Variants in GPC6 observed in about 807,000 individuals in gnomAD.
The protein encoded by GPC6 is glypican-6.
In GPC6, 14 loss-of-function variants were observed where a neutral mutation model predicts 55.2. The observed-to-expected ratio is 0.25, with a 90% CI of 0.17 to 0.40. The LOEUF (loss-of-function observed/expected upper bound fraction) is 0.40. Ranked by LOEUF, GPC6 falls within the 10% of genes least tolerant of loss-of-function variation. The probability of loss-of-function intolerance (pLI) is 1.00; values close to 1 mark genes in which losing one functional copy is unlikely to be tolerated. For missense variants in GPC6, 641 were observed against 708.5 expected, an observed-to-expected ratio of 0.90 and a Z score of 1.08; for synonymous variants, 278 against 259.6, an observed-to-expected ratio of 1.07 and a Z score of -0.68.
At chr13:93,380,296 G>T (rs371379510) in intron 1 of GPC6, among the ~76,000 whole-genome samples, 1 of 152,244 alleles carries the variant, frequency 6.6e-6, no homozygotes, top group East Asian at 1.9e-4. Context: ...AAATTTTGCA[G>T]CCACTTACTG....
chr13:93,829,236 C>T (rs1260002660), intron 2 of GPC6, among the ~76,000 whole-genome samples: 1 of 152,174 alleles, frequency 6.6e-6, no homozygotes, highest in African/African-American at 2.4e-5. Flanking sequence ...CTTGAACTTG[C>T]TCTACCCAAG....
At position 93,599,334 on chromosome 13, in the gene GPC6, G is replaced by A. The variant is rs1470647313; in HGVS notation, c.319+53913G>A. Among the ~76,000 whole-genome samples, 3 of 150,070 alleles carry A rather than the reference G, an allele frequency of 2.0e-5. No individual in the cohort carries two copies. The East Asian group carries it at 5.8e-4, about 29-fold the overall frequency. ...CAGAATCTTTATAAAGTGACCAAAA[G>A]TAACGTTGCTGAGATTTGTTGGCAG... On this transcript the variant is annotated intron_variant, in intron 2 of 8. Coordinates refer to ENST00000377047, the MANE Select transcript of GPC6 (RefSeq NM_005708.5).
chr13:93,947,843 A>G (rs1006412373), intron 3 of GPC6, among the ~76,000 whole-genome samples: 1 of 151,966 alleles, frequency 6.6e-6, no homozygotes, highest in East Asian at 1.9e-4. Flanking sequence ...GCTGGGTCTT[A>G]AAAGAATCTC....
intron 1 of GPC6, among the ~76,000 whole-genome samples, chr13:93,539,648 T>A (rs1354957279): frequency 1.3e-5 from 2 of 151,762 alleles, no homozygotes; most frequent in Non-Finnish European, 2.9e-5. Flanking sequence ...AATCTGTGAT[T>A]AGTAAAGAAG....
intron 1 of GPC6, among the ~76,000 whole-genome samples, chr13:93,453,792 C>T (rs907136732): frequency 1.3e-5 from 2 of 151,940 alleles, no homozygotes; most frequent in Non-Finnish European, 2.9e-5. Flanking sequence ...GTGATTGTTA[C>T]AGCTCATAAA....
In GPC6 at chr13:93,904,355, T is replaced by C. The variant is rs144608493; in HGVS notation, c.711+73810T>C. On this transcript the variant is annotated intron_variant, in intron 3 of 8. Coordinates refer to ENST00000377047, the MANE Select transcript of GPC6 (RefSeq NM_005708.5). ...TATGAGAACCTATTGTAGGAAGACATGCAGGTTACAAATCCATCTTTAGCG... is the reference window on the plus strand; with the variant it reads ...TATGAGAACCTATTGTAGGAAGACACGCAGGTTACAAATCCATCTTTAGCG... 8.2e-3 allele frequency among the ~76,000 whole-genome samples: 1,251 copies of C among 152,226 alleles called. 17 individuals carry two copies. Among genetic ancestry groups the C allele is most frequent in the African/African-American group, 0.028 (1,159 of 41,528 alleles).
chr13:93,619,767 A>T (rs1014675829), intron 2 of GPC6, among the ~76,000 whole-genome samples: 23 of 151,936 alleles, frequency 1.5e-4, no homozygotes, highest in African/African-American at 5.6e-4. Flanking sequence ...ATATCTTACA[A>T]TTTTGTATTA....
intron 1 of GPC6, among the ~76,000 whole-genome samples, chr13:93,275,204 C>T (rs1159608151): frequency 6.6e-6 from 1 of 152,170 alleles, no homozygotes; most frequent in African/African-American, 2.4e-5. Flanking sequence ...TGGGGGAAGA[C>T]TGTTTTAAAG....
intron 4 of GPC6, among the ~76,000 whole-genome samples, chr13:94,191,607 TGGA>T (rs1408566223): frequency 9.2e-5 from 12 of 129,976 alleles, no homozygotes; most frequent in African/African-American, 4.1e-4. Context: ...TATCTTAAGC[TGGA>T]AAAAAAAAAA....
intron 1 of GPC6, among the ~76,000 whole-genome samples, chr13:93,414,226 G>T (rs1876610673): frequency 6.6e-6 from 1 of 152,020 alleles, no homozygotes; most frequent in Non-Finnish European, 1.5e-5. Flanking sequence ...AGTCGAGGTG[G>T]TCCACTCACA....
chr13:93,766,279 C>G (rs759793313), intron 2 of GPC6, among the ~76,000 whole-genome samples: 3 of 152,090 alleles, frequency 2.0e-5, no homozygotes, highest in African/African-American at 7.2e-5. Context: ...CTTGGAAATA[C>G]GACCAAGTCA....
At chr13:93,898,940 A>ATAT (rs1876179426) in intron 3 of GPC6, among the ~76,000 whole-genome samples, 1 of 136,664 alleles carries the variant, frequency 7.3e-6, no homozygotes, top group Non-Finnish European at 1.6e-5. Context: ...ATTATATATA[A>ATAT]ATATATATAT....
intron 4 of GPC6, among the ~76,000 whole-genome samples, chr13:94,271,430 G>A (rs969155979): frequency 6.6e-6 from 1 of 151,090 alleles, no homozygotes; most frequent in Non-Finnish European, 1.5e-5. Flanking sequence ...CCACTTCTCT[G>A]AGACTTCTGC....
intron 1 of GPC6, among the ~76,000 whole-genome samples, chr13:93,273,481 AC>A: frequency 6.6e-6 from 1 of 152,162 alleles, no homozygotes; most frequent in Admixed American, 6.5e-5. Flanking sequence ...ACACGGTGAA[AC>A]CCCGTCTCTA....
chr13:94,022,305 T>C (rs1487293733), intron 3 of GPC6, among the ~76,000 whole-genome samples: 1 of 152,044 alleles, frequency 6.6e-6, no homozygotes, highest in African/African-American at 2.4e-5. Flanking sequence ...TGACCCTTTT[T>C]CCCCAGATGC....
intron 3 of GPC6, among the ~76,000 whole-genome samples, chr13:93,857,952 A>G (rs1232264254): frequency 6.6e-6 from 1 of 151,604 alleles, no homozygotes; most frequent in Non-Finnish European, 1.5e-5. Context: ...TTGAACCATT[A>G]GTATTTATTT....
At chr13:93,680,379 G>A (rs943961438) in intron 2 of GPC6, among the ~76,000 whole-genome samples, 1 of 152,114 alleles carries the variant, frequency 6.6e-6, no homozygotes, top group African/African-American at 2.4e-5. Flanking sequence ...TAGTGAGACA[G>A]TTCATTTCTG....
chr13:93,812,624 G>A (rs1182943384), intron 2 of GPC6, among the ~76,000 whole-genome samples: 1 of 152,050 alleles, frequency 6.6e-6, no homozygotes, highest in East Asian at 1.9e-4. Flanking sequence ...GACCCCATTT[G>A]ACTGATATCC....
intron 1 of GPC6, among the ~76,000 whole-genome samples, chr13:93,542,537 G>T (rs936789660): frequency 6.6e-6 from 1 of 152,146 alleles, no homozygotes; most frequent in Admixed American, 6.6e-5. Context: ...GAACTTTAAA[G>T]TAGTTTTTTC....
Sources: gnomAD v4.1 joint callset for allele counts (sites outside exome capture counted in the v4.1 genomes callset) on GRCh38, gnomAD v4.1.1 for gene constraint, MANE v1.5 for transcripts, NCBI Gene and HGNC (gene_info 2026-07-23, HGNC 2026-07-21) for gene names.